Variants in ADGRB3 observed in about 807,000 individuals in gnomAD.
ADGRB3 encodes brain-specific angiogenesis inhibitor 3.
Under a neutral mutation model 193.4 loss-of-function variants are expected in ADGRB3, and 37 were observed. That is an observed-to-expected ratio of 0.19 (90% CI 0.15 to 0.25). The LOEUF is 0.25. Among genes scored for constraint, ADGRB3 ranks in the 10% least tolerant of loss-of-function variants. The pLI, the probability that ADGRB3 is intolerant of heterozygous loss-of-function variation, is 1.00. For synonymous variants in ADGRB3, 690 were observed against 644.2 expected, an observed-to-expected ratio of 1.07 and a Z score of -1.08; for missense variants, 1,637 against 1,852.9, an observed-to-expected ratio of 0.88 and a Z score of 2.14.
Position 69,112,749 on chromosome 6 carries a change from G to A in ADGRB3, c.2480+36711G>A, listed in dbSNP as rs1416835842. Among the ~76,000 whole-genome samples the A allele has an allele frequency of 3.4e-5, 5 of 147,966 alleles. No individual in the cohort carries two copies. In the East Asian group the frequency reaches 1.0e-3, roughly 30 times the overall value. ...CTTTACATTGTATTAGGTATTATAA[G>A]TAATCCAGAGATAATTTTTTTTTTT... On this transcript the variant is annotated intron_variant, in intron 17 of 31. Transcript: ENST00000370598.
At position 68,764,155 on chromosome 6, in the gene ADGRB3, A is replaced by G. The variant is rs145938328; in HGVS notation, c.757+124723A>G. Among the ~76,000 whole-genome samples the G allele has an allele frequency of 1.1e-3, 163 of 152,286 alleles. 2 individuals carry two copies. Among genetic ancestry groups the G allele is most frequent in the Middle Eastern group, 0.01 (3 of 294 alleles). On this transcript the variant is annotated intron_variant, in intron 3 of 31. Transcript: ENST00000370598. ...AATTTTTGTCCACAATTACTCTCTC[A>G]TGCGATCTCGACCATCAGTATTTAA...
intron 3 of ADGRB3, among the ~76,000 whole-genome samples, chr6:68,824,140 G>T (rs193058130): frequency 8.6e-4 from 131 of 152,110 alleles, no homozygotes; most frequent in African/African-American, 3.0e-3. Context: ...ATATGTCCCA[G>T]GTGCATTGTA....
chr6:68,993,471 C>T (rs1322504624), intron 10 of ADGRB3, among the ~76,000 whole-genome samples: 1 of 152,082 alleles, frequency 6.6e-6, no homozygotes, highest in African/African-American at 2.4e-5. Context: ...GATTTTTACT[C>T]CAATTAAGAA....
chr6:69,104,087 C>T (rs1403425856), intron 17 of ADGRB3, among the ~76,000 whole-genome samples: 3 of 151,556 alleles, frequency 2.0e-5, no homozygotes. Context: ...GCACATTGTG[C>T]AGGTTAGTTA....
At chr6:68,993,208 A>T (rs78605131) in intron 10 of ADGRB3, among the ~76,000 whole-genome samples, 1 of 152,112 alleles carries the variant, frequency 6.6e-6, no homozygotes, top group Non-Finnish European at 1.5e-5. Flanking sequence ...TTTAAAAAAA[A>T]AGCTAAAGCA....
intron 13 of ADGRB3, among the ~76,000 whole-genome samples, chr6:69,020,556 A>T (rs948294476): frequency 6.6e-6 from 1 of 152,046 alleles, no homozygotes; most frequent in African/African-American, 2.4e-5. Flanking sequence ...TATATTAAGC[A>T]TAACTCAAAG....
In ADGRB3 at chr6:69,010,803, A is replaced by T. The variant is rs890270976; in HGVS notation, c.1930-3235A>T. On this transcript the variant is annotated intron_variant, in intron 11 of 31. Coordinates refer to ENST00000370598, the MANE Select transcript of ADGRB3 (RefSeq NM_001704.3). ...AAAAAAAAAAAAATCAAAAAACAAA[A>T]AAAAGCAAAAAAATGAGACAAAAAC... Among the ~76,000 whole-genome samples the T allele has an allele frequency of 4.6e-5, 7 of 152,048 alleles. No homozygotes were observed. In the South Asian group the frequency reaches 6.2e-4, roughly 14 times the overall value.
chr6:69,006,196 G>A (rs1369904865), intron 11 of ADGRB3, among the ~76,000 whole-genome samples: 1 of 151,956 alleles, frequency 6.6e-6, no homozygotes, highest in African/African-American at 2.4e-5. Context: ...GACTAGAATA[G>A]GATACTATGA....
chr6:68,689,483 AC>A (rs913427619), intron 3 of ADGRB3, among the ~76,000 whole-genome samples: 1 of 152,180 alleles, frequency 6.6e-6, no homozygotes, highest in African/African-American at 2.4e-5. Flanking sequence ...AGGCCTGAAT[AC>A]CCTTAAAATA....
chr6:69,060,220 T>TTCTCTCTCTTTCTC (rs1554255601), intron 15 of ADGRB3, among the ~76,000 whole-genome samples: 2 of 129,552 alleles, frequency 1.5e-5, no homozygotes, highest in African/African-American at 3.1e-5. Context: ...CTCTCTCTCT[T>TTCTCTCTCTTTCTC]TCTCTCTCTC....
intron 20 of ADGRB3, among the ~76,000 whole-genome samples, chr6:69,243,635 A>G (rs1766429592): frequency 6.6e-6 from 1 of 152,052 alleles, no homozygotes; most frequent in African/African-American, 2.4e-5. Context: ...ATCCATTAAT[A>G]CATTCATTAT....
chr6:68,802,181 T>TGC (rs1767324067), intron 3 of ADGRB3, among the ~76,000 whole-genome samples: 3 of 138,050 alleles, frequency 2.2e-5, no homozygotes, highest in South Asian at 2.4e-4. Context: ...AATGCACATA[T>TGC]GCGTGTGTGT....
At chr6:69,218,220 A>G (rs550530641) in intron 17 of ADGRB3, among the ~76,000 whole-genome samples, 34 of 152,316 alleles carry the variant, frequency 2.2e-4, no homozygotes, top group African/African-American at 7.5e-4. Context: ...TGAACCCATT[A>G]ACGTCAGGAC....
At chr6:69,095,474 C>G (rs1290831521) in intron 17 of ADGRB3, among the ~76,000 whole-genome samples, 1 of 151,912 alleles carries the variant, frequency 6.6e-6, no homozygotes, top group African/African-American at 2.4e-5. Flanking sequence ...AAGGCACACC[C>G]AACATATTTA....
At chr6:68,692,567 G>A (rs1012050998) in intron 3 of ADGRB3, among the ~76,000 whole-genome samples, 1 of 151,460 alleles carries the variant, frequency 6.6e-6, no homozygotes, top group Non-Finnish European at 1.5e-5. Context: ...ATATACCAGG[G>A]GTTACTTAAA....
rs572097469 is a variant in ADGRB3, at chr6:68,735,926, A to AT, written c.757+96501dup. Among the ~76,000 whole-genome samples the AT allele has an allele frequency of 1.1e-4, 17 of 152,188 alleles. No individual in the cohort carries two copies. The South Asian group carries it at 1.2e-3, about 11-fold the overall frequency. The stretch of plus-strand genomic sequence containing the variant: ...TGAGTGCTACAAAATATTTTATTAC[A>AT]TTTTTTTGCCTTGAATTTTGCATTA... On this transcript the variant is annotated intron_variant, in intron 3 of 31. Transcript: ENST00000370598.
At chr6:68,997,070 ATGT>A (rs565348720) in intron 11 of ADGRB3, among the ~76,000 whole-genome samples, 238 of 152,316 alleles carry the variant, frequency 1.6e-3, no homozygotes, top group Admixed American at 2.5e-3. Flanking sequence ...ATGGCTGGTA[ATGT>A]TGTACTCAAT....
chr6:69,217,685 T>G (rs1037737630), intron 17 of ADGRB3, among the ~76,000 whole-genome samples: 3 of 152,102 alleles, frequency 2.0e-5, no homozygotes, highest in Admixed American at 6.5e-5. Flanking sequence ...CATGGGAGAT[T>G]AATAATTTGA....
chr6:69,034,655 CAG>C (rs140883581), intron 13 of ADGRB3, among the ~76,000 whole-genome samples: 3 of 147,510 alleles, frequency 2.0e-5, no homozygotes. Flanking sequence ...TGGTGAGAGA[CAG>C]AGAGAGAGAC....
Sources: gnomAD v4.1 joint callset for allele counts (sites outside exome capture counted in the v4.1 genomes callset) on GRCh38, gnomAD v4.1.1 for gene constraint, MANE v1.5 for transcripts, NCBI Gene and HGNC (gene_info 2026-07-23, HGNC 2026-07-21) for gene names.